OTOP2: variants seen among roughly 807,000 people sequenced by gnomAD.
OTOP2 encodes the protein otopetrin 2, also known as proton channel OTOP2.
Under a neutral mutation model 47.4 loss-of-function variants are expected in OTOP2, and 41 were observed. The ratio of observed to expected loss-of-function variants is 0.87; its 90% CI spans 0.67 to 1.12. The LOEUF is 1.12. Ranked by LOEUF, OTOP2 falls within the 50% of genes most tolerant of loss-of-function variation. The probability of loss-of-function intolerance (pLI) is 0.00; values close to 1 mark genes in which losing one functional copy is unlikely to be tolerated. For synonymous variants in OTOP2, 328 were observed against 319.6 expected, an observed-to-expected ratio of 1.03 and a Z score of -0.28; for missense variants, 721 against 752.2, an observed-to-expected ratio of 0.96 and a Z score of 0.49.
chr17:74,927,124 G>A, intron 3 of OTOP2, 99 bp from the exon 4 acceptor site: 1 of 1,112,582 alleles, frequency 9.0e-7, no homozygotes, highest in East Asian at 2.4e-5. Context: ...CAGTGTAAGG[G>A]TTCCTCAGGC....
intron 5 of OTOP2, among the ~76,000 whole-genome samples, chr17:74,928,535 G>A (rs750363832): frequency 3.9e-5 from 6 of 152,182 alleles, no homozygotes; most frequent in Non-Finnish European, 7.4e-5. Flanking sequence ...AATTTACTGA[G>A]GTCTGTATGT....
chr17:74,933,812 A>C lies in OTOP2; in HGVS notation c.*267A>C, dbSNP rs561191793. 2.2e-5 allele frequency: 8 copies of C among 371,988 alleles called. No individual in the cohort carries two copies. The East Asian group carries it at 3.4e-4, about 16-fold the overall frequency. The allele number at this position is 371,988 out of a possible 1,614,324, so 23.0% of individuals were successfully genotyped here. A position where few individuals can be genotyped will look rare whatever the true frequency, so the allele number is the denominator to read the frequency against. ...GGCAGCATTTCTAGGACCCAACAAG[A>C]TCTGGAGGTGCCGGCTCTGGTTCCA... On this transcript the variant is annotated 3_prime_UTR_variant, in exon 7 of 7. Transcript: ENST00000331427. This position sits in a 1 kb window ranked among gnomAD's most constrained non-coding sequence, Gnocchi z 4.7.
At chr17:74,931,837 T>C (rs913430516) in intron 6 of OTOP2, among the ~76,000 whole-genome samples, 1 of 151,326 alleles carries the variant, frequency 6.6e-6, no homozygotes, top group Non-Finnish European at 1.5e-5. Flanking sequence ...CACCCTATAA[T>C]CTCAGCTACT....
intron 5 of OTOP2, 51 bp downstream of exon 5, chr17:74,927,849 T>C (rs752227379): frequency 6.3e-7 from 1 of 1,592,108 alleles, no homozygotes; most frequent in Non-Finnish European, 8.6e-7. Context: ...TTGGGCCGGG[T>C]GCTTTGTGAA....
rs1478672546 is a variant in OTOP2, at chr17:74,933,536, G to T, written c.1680G>T (p.Val560=). 2 of 1,610,586 alleles carry T rather than the reference G, an allele frequency of 1.2e-6. No homozygotes were observed. Among genetic ancestry groups the T allele is most frequent in the Non-Finnish European group, 1.7e-6 (2 of 1,177,674 alleles). ...TGTCCAGCCTGCTGGAGGTCTACGT[G>T]CTGTCCTGAGGCCTCCAACAGAGGC... The part of the protein sequence containing the change: ...HAVSSLLEVY[V]LS Residue 560 remains valine, a synonymous_variant, in exon 7 of 7, where the codon GTG becomes GTT. Transcript: ENST00000331427. This position sits in a 1 kb window ranked among gnomAD's most constrained non-coding sequence, Gnocchi z 4.7.
chr17:74,932,580 C>T (rs1481076259), intron 6 of OTOP2, among the ~76,000 whole-genome samples: 15 of 152,390 alleles, frequency 9.8e-5, no homozygotes, highest in Admixed American at 6.5e-5. Flanking sequence ...CCTCTGGCCC[C>T]ACCTCCACCT....
chr17:74,928,355 A>C (rs1207237152), intron 5 of OTOP2, among the ~76,000 whole-genome samples: 2 of 152,076 alleles, frequency 1.3e-5, no homozygotes, highest in Non-Finnish European at 2.9e-5. Flanking sequence ...AAAAATTAAA[A>C]AAAAAGAGAC....
rs988938677 is a variant in OTOP2 at position 74,933,036 on chromosome 17, A to C, written c.1519-339A>C. Among the ~76,000 whole-genome samples the C allele has an allele frequency of 6.6e-6, 1 of 150,928 alleles. No homozygotes were observed. The highest frequency in any genetic ancestry group is 1.5e-5 in the Non-Finnish European group (1 of 67,782). On this transcript the variant is annotated intron_variant, in intron 6 of 6. Transcript: ENST00000331427. The surrounding 1 kb of genome is among the most constrained non-coding windows in gnomAD (Gnocchi z 4.7). ...AAAACCCCCCAGGACAGAGCTGCTG[A>C]TTTCACTGTTTGTACCTCTTCTTCT...
Position 74,925,786 on chromosome 17 carries a change from G to A in OTOP2, c.450+94G>A, listed in dbSNP as rs796931741. The A allele has an allele frequency of 1.6e-5, 24 of 1,542,418 alleles. No homozygotes were observed. In the Admixed American group the frequency reaches 2.3e-4, roughly 15 times the overall value. On this transcript the variant is annotated intron_variant, in intron 3 of 6. Coordinates refer to ENST00000331427, the MANE Select transcript of OTOP2 (RefSeq NM_178160.3). ...GGGGTCGGAGACCTGAGCTCCATCCGCCTCGTATCCTGAGCTATTAAGTAA... is the reference window on the plus strand; with the variant it reads ...GGGGTCGGAGACCTGAGCTCCATCCACCTCGTATCCTGAGCTATTAAGTAA...
intron 5 of OTOP2, among the ~76,000 whole-genome samples, chr17:74,928,473 G>A (rs1462895781): frequency 6.6e-6 from 1 of 152,192 alleles, no homozygotes; most frequent in Non-Finnish European, 1.5e-5. Flanking sequence ...GGAGAGCCCG[G>A]GAAGGAGGAG....
chr17:74,929,605 T>C lies in OTOP2; in HGVS notation c.644-674T>C, dbSNP rs528484519. Among the ~76,000 whole-genome samples, 17 of 152,218 alleles carry C rather than the reference T, an allele frequency of 1.1e-4. No homozygotes were observed. The East Asian group carries it at 3.3e-3, about 30-fold the overall frequency. On this transcript the variant is annotated intron_variant, in intron 5 of 6. Transcript: ENST00000331427. ...CAAGCCCAGCTAATTTTTGTATTTT[T>C]AGTAGAGACAGGATTTCACCGTGTT...
At chr17:74,932,796 T>G (rs2039071607) in intron 6 of OTOP2, among the ~76,000 whole-genome samples, 1 of 152,172 alleles carries the variant, frequency 6.6e-6, no homozygotes, top group African/African-American at 2.4e-5. Flanking sequence ...CCTTTGTTCT[T>G]TGCTTCTTAC....
At position 74,930,227 on chromosome 17, in the gene OTOP2, C is replaced by A; in HGVS notation, c.644-52C>A. 1 of 1,556,498 alleles carries A rather than the reference C, an allele frequency of 6.4e-7. No homozygotes were observed. The highest frequency in any genetic ancestry group is 8.7e-7 in the Non-Finnish European group (1 of 1,149,676). On this transcript the variant is annotated intron_variant, in intron 5 of 6. Transcript: ENST00000331427. This position sits in a 1 kb window ranked among gnomAD's most constrained non-coding sequence, Gnocchi z 4.0. ...AAAGGTCACAGGCTAGGGGTGAGAC[C>A]TCTCTAGGAAGGCAGGAGGGCTGTC... is the stretch of plus-strand genomic sequence containing the variant.
Position 74,930,496 on chromosome 17 carries a change from G to C in OTOP2, c.861G>C (p.Glu287Asp), listed in dbSNP as rs747507815. Reference protein sequence around the residue: ...HTPTPVSLFRETFFAGPVLGL... With the variant: ...HTPTPVSLFRDTFFAGPVLGL... The stretch of plus-strand genomic sequence containing the variant: ...CAACCCCTGTCAGCCTCTTCCGGGA[G>C]ACCTTTTTTGCTGGCCCGGTTCTGG... Residue 287 changes from glutamate to aspartate, a missense_variant, in exon 6 of 7, where the codon GAG becomes GAC. Coordinates refer to ENST00000331427, the MANE Select transcript of OTOP2 (RefSeq NM_178160.3). The surrounding 1 kb of genome is among the most constrained non-coding windows in gnomAD (Gnocchi z 4.0). 1.2e-6 allele frequency: 2 copies of C among 1,613,106 alleles called. No individual in the cohort carries two copies. The highest frequency in any genetic ancestry group is 2.2e-5 in the South Asian group (2 of 91,060).
chr17:74,925,407 C>T (rs1397128587), intron 2 of OTOP2, 149 bp from the exon 3 acceptor site: 30 of 983,658 alleles, frequency 3.0e-5, no homozygotes, highest in Non-Finnish European at 4.5e-5. Context: ...GTCCTCCCAC[C>T]CTCCCCATTG....
At chr17:74,925,083 GA>G (rs1417326656) in intron 2 of OTOP2, 138 bp downstream of exon 2, 2 of 1,117,130 alleles carry the variant, frequency 1.8e-6, no homozygotes, top group Non-Finnish European at 2.5e-6. Context: ...ACCGGAGGGT[GA>G]AGTGGGCTGC....
rs573052245 is a variant in OTOP2, at chr17:74,933,304, G to A, written c.1519-71G>A. ...TGGGCCGCCATCTAGCCACGGCCCA[G>A]CAAAACCCACAGAAATGACCCACAG... On this transcript the variant is annotated intron_variant, in intron 6 of 6. Coordinates refer to ENST00000331427, the MANE Select transcript of OTOP2 (RefSeq NM_178160.3). The surrounding 1 kb of genome is among the most constrained non-coding windows in gnomAD (Gnocchi z 4.7). The A allele has an allele frequency of 7.0e-5, 107 of 1,529,580 alleles. 1 individual carries two copies. In the Middle Eastern group the frequency reaches 8.8e-4, roughly 13 times the overall value. 94.8% of individuals were successfully genotyped at this position (1,529,580 alleles called of 1,614,324 possible).
intron 4 of OTOP2, 187 bp downstream of exon 4, chr17:74,927,468 TG>T: frequency 1.0e-6 from 1 of 1,004,992 alleles, no homozygotes; most frequent in Non-Finnish European, 1.5e-6. Flanking sequence ...GGGGAGGGAG[TG>T]GTGGTGGCCC....
rs2039074427 is a variant in OTOP2 at position 74,933,164 on chromosome 17, C to T, written c.1519-211C>T. Among the ~76,000 whole-genome samples, 1 of 152,140 alleles carries T rather than the reference C, an allele frequency of 6.6e-6. No homozygotes were observed. The highest frequency in any genetic ancestry group is 1.9e-4 in the East Asian group (1 of 5,188). ...ATGAGGTGGGCTAGCCTAGGGATGG[C>T]GAATTCAGTTGGGCTCACTTCCTGA... On this transcript the variant is annotated intron_variant, in intron 6 of 6. Transcript: ENST00000331427. This position sits in a 1 kb window ranked among gnomAD's most constrained non-coding sequence, Gnocchi z 4.7.
Sources: allele counts gnomAD v4.1 joint callset (sites outside exome capture counted in the v4.1 genomes callset), GRCh38; gene constraint gnomAD v4.1.1; non-coding constraint Gnocchi (gnomAD v3.1); transcripts MANE v1.5; gene names NCBI Gene and HGNC (gene_info 2026-07-23, HGNC 2026-07-21).